Variants in NRXN1 observed in about 807,000 individuals in gnomAD.
NRXN1 encodes the protein neurexin-1.
A neutral mutation model predicts 150.9 loss-of-function variants in NRXN1; 39 were observed. That is an observed-to-expected ratio of 0.26 (90% CI 0.20 to 0.34). The LOEUF is 0.34. Ranked by LOEUF, NRXN1 falls within the 10% of genes least tolerant of loss-of-function variation. NRXN1 has a pLI of 1.00. For synonymous variants in NRXN1, 924 were observed against 757.0 expected, an observed-to-expected ratio of 1.22 and a Z score of -3.62; for missense variants, 1,815 against 1,949.9, an observed-to-expected ratio of 0.93 and a Z score of 1.30.
chr2:50,108,066 T>C (rs979127290), intron 18 of NRXN1, among the ~76,000 whole-genome samples: 28 of 151,970 alleles, frequency 1.8e-4, no homozygotes, highest in African/African-American at 4.8e-4. Flanking sequence ...TAACCACTAC[T>C]GTTTTATGTT....
intron 2 of NRXN1, among the ~76,000 whole-genome samples, chr2:50,950,935 T>A (rs1307789634): frequency 6.6e-6 from 1 of 152,208 alleles, no homozygotes; most frequent in Non-Finnish European, 1.5e-5. Flanking sequence ...TGAAATTATG[T>A]CATGGCTGTT....
chr2:50,037,523 T>C (rs1302948583), intron 21 of NRXN1, among the ~76,000 whole-genome samples: 5 of 152,186 alleles, frequency 3.3e-5, no homozygotes, highest in African/African-American at 7.2e-5. Flanking sequence ...TAGAGGGTTA[T>C]GAAGTCAGAA....
chr2:50,638,807 A>G (rs1418027368), intron 5 of NRXN1, among the ~76,000 whole-genome samples: 1 of 152,184 alleles, frequency 6.6e-6, no homozygotes, highest in East Asian at 1.9e-4. Context: ...CTCCTCCACC[A>G]TTAACCATAT....
chr2:49,971,363 C>T (rs1573134520), intron 21 of NRXN1, among the ~76,000 whole-genome samples: 1 of 152,118 alleles, frequency 6.6e-6, no homozygotes, highest in Non-Finnish European at 1.5e-5. Context: ...TGCTACATCA[C>T]TAATTATTTT....
intron 10 of NRXN1, 129 bp downstream of exon 10, chr2:50,538,124 C>G: frequency 1.1e-5 from 11 of 1,037,042 alleles, no homozygotes. Flanking sequence ...GGTATGGCTG[C>G]TCAGCTTGCA....
intron 8 of NRXN1, among the ~76,000 whole-genome samples, chr2:50,610,538 T>C (rs963760076): frequency 6.7e-6 from 1 of 149,810 alleles, no homozygotes; most frequent in African/African-American, 2.5e-5. Context: ...TGTAAATCTA[T>C]ACTTATTTGC....
intron 17 of NRXN1, among the ~76,000 whole-genome samples, chr2:50,399,399 C>A (rs1309033765): frequency 6.6e-6 from 1 of 152,048 alleles, no homozygotes; most frequent in African/African-American, 2.4e-5. Flanking sequence ...TTCTCTACTC[C>A]TGAGTTCATG....
chr2:50,394,437 T>G (rs888424000), intron 17 of NRXN1, among the ~76,000 whole-genome samples: 7 of 152,136 alleles, frequency 4.6e-5, no homozygotes, highest in Non-Finnish European at 8.8e-5. Flanking sequence ...TTCTCACAAT[T>G]AAGTGGGTCA....
intron 17 of NRXN1, among the ~76,000 whole-genome samples, chr2:50,293,781 T>A (rs114159234): frequency 0.014 from 2,166 of 152,246 alleles, 27 homozygotes; most frequent in Non-Finnish European, 0.02. Context: ...GGGGAGATAG[T>A]AAACTTGCGA....
intron 17 of NRXN1, among the ~76,000 whole-genome samples, chr2:50,329,651 A>C (rs1170291598): frequency 0.034 from 314 of 9,340 alleles, 16 homozygotes; most frequent in Middle Eastern, 0.091. Flanking sequence ...ATATATATAT[A>C]TATATATATA....
chr2:50,335,775 T>G (rs1388954834), intron 17 of NRXN1, among the ~76,000 whole-genome samples: 1 of 152,196 alleles, frequency 6.6e-6, no homozygotes, highest in African/African-American at 2.4e-5. Context: ...GATCTCAATT[T>G]CAACCCTTTG....
At chr2:50,956,636 G>A (rs537778855) in intron 2 of NRXN1, among the ~76,000 whole-genome samples, 29 of 151,976 alleles carry the variant, frequency 1.9e-4, no homozygotes, top group African/African-American at 6.5e-4. Flanking sequence ...TAGTGCCAGC[G>A]ACTCAGGAGG....
chr2:50,838,763 A>G (rs577926785), intron 5 of NRXN1, among the ~76,000 whole-genome samples: 1 of 152,248 alleles, frequency 6.6e-6, no homozygotes, highest in South Asian at 2.1e-4. Context: ...GCAGAGAATA[A>G]TCATCCTAGA....
At chr2:51,008,995 G>A (rs1667448480) in intron 2 of NRXN1, among the ~76,000 whole-genome samples, 2 of 151,648 alleles carry the variant, frequency 1.3e-5, no homozygotes, top group Admixed American at 1.3e-4. Flanking sequence ...ACTAATTTGT[G>A]GAAAGGCAAA....
chr2:50,846,735 T>C (rs1673711616), intron 5 of NRXN1, among the ~76,000 whole-genome samples: 1 of 152,242 alleles, frequency 6.6e-6, no homozygotes, highest in Non-Finnish European at 1.5e-5. Context: ...GAGTGATTTA[T>C]GATTCCCTCT....
chr2:50,593,959 T>C (rs748270895), intron 8 of NRXN1, among the ~76,000 whole-genome samples: 2 of 152,198 alleles, frequency 1.3e-5, no homozygotes, highest in Non-Finnish European at 2.9e-5. Flanking sequence ...TTAATAAACA[T>C]TGATACATTA....
chr2:49,956,876 A>G (rs182816416), intron 21 of NRXN1, among the ~76,000 whole-genome samples: 32 of 152,256 alleles, frequency 2.1e-4, no homozygotes, highest in East Asian at 1.5e-3. Flanking sequence ...TAGTTCTCCA[A>G]TTTAAGTTAC....
At chr2:50,615,197 C>T (rs1400078739) in intron 8 of NRXN1, among the ~76,000 whole-genome samples, 1 of 152,070 alleles carries the variant, frequency 6.6e-6, no homozygotes, top group Non-Finnish European at 1.5e-5. Flanking sequence ...TAGCATTTCA[C>T]TCATTTTTTT....
chr2:50,411,741 G>C (rs1219740173), intron 17 of NRXN1, among the ~76,000 whole-genome samples: 3 of 147,006 alleles, frequency 2.0e-5, no homozygotes, highest in African/African-American at 7.5e-5. Context: ...GGAGGTGGGG[G>C]GCGCCTCTGC....
Sources: allele counts gnomAD v4.1 joint callset (sites outside exome capture counted in the v4.1 genomes callset), GRCh38; gene constraint gnomAD v4.1.1; transcripts MANE v1.5; gene names NCBI Gene and HGNC (gene_info 2026-07-23, HGNC 2026-07-21).